RYR2: variants seen among roughly 807,000 people sequenced by gnomAD.
RYR2 encodes the protein cardiac muscle ryanodine receptor-calcium release channel.
In RYR2, 227 loss-of-function variants were observed where a neutral mutation model predicts 601.1. The ratio of observed to expected loss-of-function variants is 0.38; its 90% CI spans 0.34 to 0.42. The LOEUF (loss-of-function observed/expected upper bound fraction) is 0.42, where lower values mean the gene tolerates loss of function less well. Among genes scored for constraint, RYR2 ranks in the 10% least tolerant of loss-of-function variants. RYR2 has a pLI of 1.00. For synonymous variants in RYR2, 2,223 were observed against 2,175.1 expected, an observed-to-expected ratio of 1.02 and a Z score of -0.61; for missense variants, 4,646 against 6,156.5, an observed-to-expected ratio of 0.75 and a Z score of 8.21.
intron 71 of RYR2, 147 bp downstream of exon 71, chr1:237,711,984 T>A: frequency 1.7e-6 from 1 of 602,848 alleles, no homozygotes; most frequent in South Asian, 2.1e-5. Context: ...ATGCAAGCTG[T>A]TTTAAGGTTA....
intron 79 of RYR2, among the ~76,000 whole-genome samples, chr1:237,736,047 G>A (rs1691114166): frequency 6.6e-6 from 1 of 152,192 alleles, no homozygotes; most frequent in African/African-American, 2.4e-5. Flanking sequence ...GAGCAATGTA[G>A]TCTGAACTTT....
chr1:237,192,857 G>A (rs974836290), intron 1 of RYR2, among the ~76,000 whole-genome samples: 9 of 152,056 alleles, frequency 5.9e-5, no homozygotes, highest in Admixed American at 2.6e-4. Flanking sequence ...ATCTGTGATA[G>A]TATTCTAGAT....
chr1:237,042,387 G>A lies in RYR2; in HGVS notation c.-135G>A. 1.1e-6 allele frequency: 1 copy of A among 883,984 alleles called. No homozygotes were observed. Among genetic ancestry groups the A allele is most frequent in the Non-Finnish European group, 1.5e-6 (1 of 688,056 alleles). 54.8% of individuals were successfully genotyped at this position (883,984 alleles called of 1,614,324 possible). On this transcript the variant is annotated 5_prime_UTR_variant, in exon 1 of 105. Coordinates refer to ENST00000366574, the MANE Select transcript of RYR2 (RefSeq NM_001035.3). The stretch of plus-strand genomic sequence containing the variant: ...GCTCTGCAGGCGGGGACCGCCCGGC[G>A]CTCGGCACCCGGCAGCGCGGCCCCC...
intron 3 of RYR2, among the ~76,000 whole-genome samples, chr1:237,350,605 AT>A (rs1402291670): frequency 4.0e-5 from 3 of 74,462 alleles, no homozygotes; most frequent in African/African-American, 5.8e-5. Context: ...AAAAAAAAAT[AT>A]ATATATATAT....
chr1:237,752,670 G>C lies in RYR2; in HGVS notation c.11146-3618G>C, dbSNP rs144832620. 4.2e-3 allele frequency among the ~76,000 whole-genome samples: 642 copies of C among 152,206 alleles called. 6 individuals carry two copies. Among genetic ancestry groups the C allele is most frequent in the African/African-American group, 0.015 (627 of 41,528 alleles). On this transcript the variant is annotated intron_variant, in intron 80 of 104. Coordinates refer to ENST00000366574, the MANE Select transcript of RYR2 (RefSeq NM_001035.3). ...TCCCTTAGTCTGAGTTGACCTGTTT[G>C]TGCTGCAAACCAAATTATTAGTACA...
At chr1:237,147,380 A>G (rs941709265) in intron 1 of RYR2, among the ~76,000 whole-genome samples, 16 of 152,252 alleles carry the variant, frequency 1.1e-4, no homozygotes, top group South Asian at 6.2e-4. Context: ...ACAGTATCCA[A>G]TGAAAAAATA....
chr1:237,488,054 A>G (rs1330739098), intron 17 of RYR2, among the ~76,000 whole-genome samples: 3 of 151,998 alleles, frequency 2.0e-5, no homozygotes, highest in Admixed American at 2.0e-4. Context: ...GACATACGCT[A>G]TTTACTTCCA....
intron 1 of RYR2, among the ~76,000 whole-genome samples, chr1:237,126,542 G>C (rs1167564061): frequency 1.3e-5 from 2 of 152,122 alleles, no homozygotes; most frequent in Non-Finnish European, 2.9e-5. Context: ...TGCAGTCTGA[G>C]GCTCCTTCTC....
intron 24 of RYR2, among the ~76,000 whole-genome samples, chr1:237,520,604 A>G (rs958593134): frequency 4.6e-5 from 7 of 152,164 alleles, no homozygotes; most frequent in Non-Finnish European, 8.8e-5. Flanking sequence ...GACGTATCAC[A>G]TTTATTGATT....
chr1:237,352,361 A>G (rs1698926170), intron 3 of RYR2, among the ~76,000 whole-genome samples: 2 of 152,136 alleles, frequency 1.3e-5, no homozygotes, highest in African/African-American at 4.8e-5. Context: ...GTATAATGAA[A>G]CAACACATAC....
Position 237,500,922 on chromosome 1 carries a change from T to G in RYR2, c.2396+19T>G, listed in dbSNP as rs989534035. On this transcript the variant is annotated intron_variant, in intron 21 of 104. Coordinates refer to ENST00000366574, the MANE Select transcript of RYR2 (RefSeq NM_001035.3). ...GAATAAAGTTAGTATGTCTATGTTT[T>G]TTGGTCTCTTTCCTTTCTCATTTCT... 7 of 1,610,740 alleles carry G rather than the reference T, an allele frequency of 4.3e-6. No individual in the cohort carries two copies. The highest frequency in any genetic ancestry group is 5.9e-6 in the Non-Finnish European group (7 of 1,176,924).
At chr1:237,582,874 C>A (rs1279211412) in intron 29 of RYR2, among the ~76,000 whole-genome samples, 2 of 150,704 alleles carry the variant, frequency 1.3e-5, no homozygotes, top group Non-Finnish European at 3.0e-5. Flanking sequence ...TGGGATGAAA[C>A]CTATGAGTGC....
chr1:237,641,705 C>A (rs961369869), intron 47 of RYR2, among the ~76,000 whole-genome samples: 17 of 152,216 alleles, frequency 1.1e-4, no homozygotes, highest in South Asian at 6.2e-4. Context: ...CCACGCCCAA[C>A]TAATTTTTGT....
At chr1:237,110,900 T>C (rs1395293254) in intron 1 of RYR2, among the ~76,000 whole-genome samples, 1 of 152,252 alleles carries the variant, frequency 6.6e-6, no homozygotes, top group East Asian at 1.9e-4. Context: ...ATTTAATCTC[T>C]ACCACAACCC....
At chr1:237,508,875 T>C (rs369515478) in intron 23 of RYR2, among the ~76,000 whole-genome samples, 2 of 149,926 alleles carry the variant, frequency 1.3e-5, no homozygotes, top group South Asian at 2.1e-4. Context: ...CCCGAGTAGC[T>C]GGGACTACAG....
intron 17 of RYR2, among the ~76,000 whole-genome samples, chr1:237,482,316 G>A (rs1361320944): frequency 6.6e-6 from 1 of 151,778 alleles, no homozygotes; most frequent in Middle Eastern, 3.4e-3. Context: ...CTATTTTTTT[G>A]TACCCATCAA....
At chr1:237,704,073 G>A (rs1393620525) in intron 66 of RYR2, among the ~76,000 whole-genome samples, 6 of 152,052 alleles carry the variant, frequency 3.9e-5, no homozygotes, top group African/African-American at 1.2e-4. Flanking sequence ...TTTAGAAGGC[G>A]ACTTTTGAAG....
chr1:237,228,241 C>T (rs1684608517), intron 1 of RYR2, among the ~76,000 whole-genome samples: 1 of 152,148 alleles, frequency 6.6e-6, no homozygotes, highest in Admixed American at 6.5e-5. Flanking sequence ...TTTTTTATTC[C>T]TGAGTTACTT....
chr1:237,778,602 T>C, intron 87 of RYR2, 64 bp from the exon 88 acceptor site: 2 of 810,408 alleles, frequency 2.5e-6, no homozygotes, highest in East Asian at 2.5e-5. Flanking sequence ...CCCCTGTTAT[T>C]GTACAGTTTG....
Sources: allele counts gnomAD v4.1 joint callset (sites outside exome capture counted in the v4.1 genomes callset), GRCh38; gene constraint gnomAD v4.1.1; transcripts MANE v1.5; gene names NCBI Gene and HGNC (gene_info 2026-07-23, HGNC 2026-07-21).